SLC24A3: variants seen among roughly 807,000 people sequenced by gnomAD.
The protein encoded by SLC24A3 is sodium/potassium/calcium exchanger 3.
In SLC24A3, 28 loss-of-function variants were observed where a neutral mutation model predicts 75.8. The ratio of observed to expected loss-of-function variants is 0.37; its 90% CI spans 0.27 to 0.51. The LOEUF (loss-of-function observed/expected upper bound fraction) is 0.51. Ranked by LOEUF, SLC24A3 falls within the 20% of genes least tolerant of loss-of-function variation. SLC24A3 has a pLI of 0.94. For synonymous variants in SLC24A3, 372 were observed against 334.1 expected (o/e 1.11, Z -1.24); for missense variants, 663 against 847.8 (o/e 0.78, Z 2.71).
intron 1 of SLC24A3, among the ~76,000 whole-genome samples, chr20:19,236,625 G>A (rs1288955123): frequency 6.6e-6 from 1 of 152,158 alleles, no homozygotes. Context: ...GCATGGTGGT[G>A]CATGCCTGTA....
intron 2 of SLC24A3, among the ~76,000 whole-genome samples, chr20:19,497,880 C>G (rs925135604): frequency 1.3e-5 from 2 of 152,148 alleles, no homozygotes; most frequent in Non-Finnish European, 2.9e-5. Context: ...GTCCCCATTC[C>G]CCAGACCATG....
intron 2 of SLC24A3, among the ~76,000 whole-genome samples, chr20:19,369,765 A>C (rs1473936773): frequency 6.6e-6 from 1 of 152,220 alleles, no homozygotes; most frequent in African/African-American, 2.4e-5. Context: ...TTAGGTATAC[A>C]GGGGCACAAT....
chr20:19,413,589 C>A (rs1350846659), intron 2 of SLC24A3, among the ~76,000 whole-genome samples: 1 of 152,128 alleles, frequency 6.6e-6, no homozygotes, highest in Non-Finnish European at 1.5e-5. Context: ...CTATCAAGAA[C>A]ACCCAGTAAT....
At chr20:19,665,823 G>GTGTGTT (rs1811613556) in intron 7 of SLC24A3, 41 bp from the exon 8 acceptor site, 1 of 1,536,456 alleles carries the variant, frequency 6.5e-7, no homozygotes, top group South Asian at 1.2e-5. Context: ...GTGTGTGTGT[G>GTGTGTT]TGTGTGTGTC....
intron 2 of SLC24A3, among the ~76,000 whole-genome samples, chr20:19,372,264 G>A (rs1986005940): frequency 6.6e-6 from 1 of 152,118 alleles, no homozygotes; most frequent in African/African-American, 2.4e-5. Flanking sequence ...TCTAACTCAG[G>A]GAAAGAAGCA....
chr20:19,280,718 A>T (rs934329710), intron 1 of SLC24A3, among the ~76,000 whole-genome samples: 1 of 152,218 alleles, frequency 6.6e-6, no homozygotes, highest in Non-Finnish European at 1.5e-5. Flanking sequence ...CAAGAGAGTT[A>T]CACAGTAGAC....
chr20:19,419,842 T>A (rs537411388), intron 2 of SLC24A3, among the ~76,000 whole-genome samples: 27 of 144,842 alleles, frequency 1.9e-4, no homozygotes, highest in Non-Finnish European at 3.8e-4. Flanking sequence ...TTTTTTTTTA[T>A]TATACTCTAA....
At chr20:19,393,409 G>T (rs967332389) in intron 2 of SLC24A3, among the ~76,000 whole-genome samples, 3 of 152,020 alleles carry the variant, frequency 2.0e-5, no homozygotes, top group Non-Finnish European at 4.4e-5. Flanking sequence ...TAAATAAAAG[G>T]TATTGGAAAG....
chr20:19,580,142 C>A, intron 4 of SLC24A3, 68 bp downstream of exon 4: 1 of 1,401,148 alleles, frequency 7.1e-7, no homozygotes, highest in Non-Finnish European at 1.0e-6. Context: ...TGTACTGTTC[C>A]AGCCTCCTCA....
intron 1 of SLC24A3, among the ~76,000 whole-genome samples, chr20:19,241,972 C>A (rs973249314): frequency 6.6e-6 from 1 of 152,318 alleles, no homozygotes; most frequent in African/African-American, 2.4e-5. Context: ...GTCTGAATGC[C>A]TCCCTTTGAT....
intron 2 of SLC24A3, chr20:19,283,335 G>T (rs1259312422): frequency 1.3e-5 from 2 of 152,304 alleles, no homozygotes; most frequent in African/African-American, 4.8e-5. Context: ...GACTGCTGCT[G>T]GTATAAAATG....
At chr20:19,331,520 A>T (rs918699375) in intron 2 of SLC24A3, among the ~76,000 whole-genome samples, 1 of 152,260 alleles carries the variant, frequency 6.6e-6, no homozygotes. Flanking sequence ...AACAAAAATG[A>T]GTACAATATT....
chr20:19,275,877 A>G (rs1350780873), intron 1 of SLC24A3, among the ~76,000 whole-genome samples: 1 of 152,068 alleles, frequency 6.6e-6, no homozygotes, highest in African/African-American at 2.4e-5. Flanking sequence ...CACCCGTGAC[A>G]TGTGACATGT....
intron 2 of SLC24A3, among the ~76,000 whole-genome samples, chr20:19,496,309 T>C (rs1055948617): frequency 6.6e-6 from 1 of 152,144 alleles, no homozygotes; most frequent in Non-Finnish European, 1.5e-5. Flanking sequence ...AATGTGCTTT[T>C]CCACTGAGCA....
At chr20:19,296,020 T>C (rs931431402) in intron 2 of SLC24A3, among the ~76,000 whole-genome samples, 2 of 152,222 alleles carry the variant, frequency 1.3e-5, no homozygotes, top group Admixed American at 6.5e-5. Context: ...TATTTATTAC[T>C]GTCTCGATTT....
In SLC24A3 at chr20:19,547,055, A is replaced by G. The variant is rs374415531; in HGVS notation, c.348+31491A>G. ...AGGTCAGATTCTGTGTCCTGCCTGCATGAGCTAGTCTCCCTCTGCACTATT... is the reference window on the plus strand; with the variant it reads ...AGGTCAGATTCTGTGTCCTGCCTGCGTGAGCTAGTCTCCCTCTGCACTATT... On this transcript the variant is annotated intron_variant, in intron 3 of 16. Transcript: ENST00000328041. Among the ~76,000 whole-genome samples the G allele has an allele frequency of 6.6e-5, 10 of 152,352 alleles. 2 individuals carry two copies.
intron 2 of SLC24A3, among the ~76,000 whole-genome samples, chr20:19,329,926 G>A (rs1377003205): frequency 6.6e-6 from 1 of 152,176 alleles, no homozygotes; most frequent in Non-Finnish European, 1.5e-5. Flanking sequence ...GTGAAATTTT[G>A]CTTGTTCCAG....
intron 7 of SLC24A3, among the ~76,000 whole-genome samples, chr20:19,659,615 A>G (rs58903765): frequency 0.18 from 28,064 of 152,172 alleles, 2,853 homozygotes; most frequent in African/African-American, 0.25. Flanking sequence ...CAAGCAAGCT[A>G]TTTTGTGAGT....
chr20:19,700,590 T>C (rs1189216400), intron 15 of SLC24A3, among the ~76,000 whole-genome samples: 2 of 152,220 alleles, frequency 1.3e-5, no homozygotes, highest in African/African-American at 4.8e-5. Context: ...TAAATGACAA[T>C]CACCCAGAGT....
Sources: allele counts gnomAD v4.1 joint callset (sites outside exome capture counted in the v4.1 genomes callset), GRCh38; gene constraint gnomAD v4.1.1; transcripts MANE v1.5; gene names NCBI Gene and HGNC (gene_info 2026-07-23, HGNC 2026-07-21).